MCM9: variants seen among roughly 807,000 people sequenced by gnomAD.
MCM9 encodes DNA helicase MCM9.
In MCM9, 55 loss-of-function variants were observed where a neutral mutation model predicts 72.8. The observed-to-expected ratio is 0.76, with a 90% confidence interval of 0.61 to 0.95. The LOEUF (loss-of-function observed/expected upper bound fraction) is 0.95, where lower values mean the gene tolerates loss of function less well. Among genes scored for constraint, MCM9 ranks in the 40% least tolerant of loss-of-function variants. The pLI, the probability that MCM9 is intolerant of heterozygous loss-of-function variation, is 0.00. For synonymous variants in MCM9, 480 were observed against 503.4 expected (o/e 0.95, Z 0.62); for missense variants, 1,279 against 1,377.0 (o/e 0.93, Z 1.13).
At chr6:118,929,843 T>A (rs190950428) in intron 3 of MCM9, among the ~76,000 whole-genome samples, 188 of 152,270 alleles carry the variant, frequency 1.2e-3, no homozygotes, top group Non-Finnish European at 2.0e-3. Flanking sequence ...GGACCCTTTT[T>A]CTTGATCCCA....
chr6:118,894,327 G>C, intron 8 of MCM9: 6 of 1,525,974 alleles, frequency 3.9e-6, no homozygotes, highest in Non-Finnish European at 5.3e-6. Flanking sequence ...CTGGAGCGGG[G>C]GTCTGCGCTC....
chr6:118,913,378 C>G lies in MCM9; in HGVS notation c.947G>C (p.Gly316Ala). The G allele has an allele frequency of 6.2e-7, 1 of 1,614,066 alleles. No individual in the cohort carries two copies. ...ILASLCPQVF[G>A]MYLVKLAVAM... ...CACAGCAAGCTTTACTAGATACATT[C>G]CAAACACTTGAGGGCACAAGCTAGC... is the stretch of plus-strand genomic sequence containing the variant. The change falls in exon 7 of 14, where the codon GGA becomes GCA. Residue 316 changes from glycine to alanine, a missense_variant. Physicochemically the swap from Gly to Ala is moderately conservative, Grantham distance 60 (BLOSUM62 0). Coordinates refer to ENST00000619706, the MANE Select transcript of MCM9 (RefSeq NM_017696.3).
intron 8 of MCM9, among the ~76,000 whole-genome samples, chr6:118,897,668 G>A (rs1465159827): frequency 2.0e-5 from 3 of 151,982 alleles, no homozygotes; most frequent in Non-Finnish European, 2.9e-5. Flanking sequence ...AATACTTTCA[G>A]GCTGGGTAAA....
chr6:118,879,214 T>C (rs1321053554), intron 8 of MCM9, among the ~76,000 whole-genome samples: 1 of 149,656 alleles, frequency 6.7e-6, no homozygotes, highest in African/African-American at 2.5e-5. Flanking sequence ...ATGAACTACT[T>C]CATGAAAAGG....
intron 2 of MCM9, among the ~76,000 whole-genome samples, 178 bp downstream of exon 2, chr6:118,932,429 A>C (rs1782516202): frequency 6.6e-6 from 1 of 152,246 alleles, no homozygotes; most frequent in Non-Finnish European, 1.5e-5. Flanking sequence ...ATTTGCTCTC[A>C]AGTATAAAAT....
At chr6:118,843,657 T>TATATATACAC (rs1378043575) in intron 9 of MCM9, among the ~76,000 whole-genome samples, 40 of 33,856 alleles carry the variant, frequency 1.2e-3, no homozygotes, top group Non-Finnish European at 1.4e-3. Context: ...TATATATATG[T>TATATATACAC]GTATATATAT....
intron 8 of MCM9, among the ~76,000 whole-genome samples, chr6:118,857,316 T>C (rs1286799349): frequency 1.3e-5 from 2 of 152,200 alleles, no homozygotes; most frequent in Non-Finnish European, 2.9e-5. Context: ...TCATATGTCT[T>C]GTTGATTTTT....
At chr6:118,915,362 A>G (rs1332771460) in intron 6 of MCM9, among the ~76,000 whole-genome samples, 1 of 152,174 alleles carries the variant, frequency 6.6e-6, no homozygotes. Flanking sequence ...CAGTTATCTC[A>G]ATGAAGAGAA....
chr6:118,915,845 A>C (rs1780899805), intron 6 of MCM9, among the ~76,000 whole-genome samples: 1 of 152,208 alleles, frequency 6.6e-6, no homozygotes, highest in Non-Finnish European at 1.5e-5. Context: ...TCTGCCTTTT[A>C]TCCAATAAAT....
chr6:118,836,893 T>C (rs1774998271), intron 9 of MCM9, among the ~76,000 whole-genome samples: 1 of 152,218 alleles, frequency 6.6e-6, no homozygotes, highest in African/African-American at 2.4e-5. Flanking sequence ...CTTTTGAATT[T>C]GTTTGCTCTT....
intron 8 of MCM9, among the ~76,000 whole-genome samples, chr6:118,891,253 ATGGCT>A (rs1262228158): frequency 4.6e-5 from 7 of 152,204 alleles, no homozygotes; most frequent in African/African-American, 1.4e-4. Context: ...CCTTACTGGC[ATGGCT>A]AAAGGACCAC....
intron 8 of MCM9, chr6:118,893,962 T>C: frequency 2.2e-6 from 2 of 903,486 alleles, no homozygotes; most frequent in Non-Finnish European, 2.6e-6. Flanking sequence ...CCACGCCCCC[T>C]CCGCCCCTCT....
intron 8 of MCM9, among the ~76,000 whole-genome samples, chr6:118,907,183 C>T (rs1048044766): frequency 3.3e-5 from 5 of 152,082 alleles, no homozygotes; most frequent in Admixed American, 6.6e-5. Flanking sequence ...TCAGATTCTC[C>T]GTATCTTGTT....
chr6:118,900,114 C>T (rs910382891), intron 8 of MCM9, among the ~76,000 whole-genome samples: 1 of 152,114 alleles, frequency 6.6e-6, no homozygotes, highest in African/African-American at 2.4e-5. Context: ...TATTGTATCA[C>T]GTGGTGTAAA....
chr6:118,868,028 C>T (rs963115517), intron 8 of MCM9, among the ~76,000 whole-genome samples: 3 of 151,830 alleles, frequency 2.0e-5, no homozygotes, highest in Non-Finnish European at 4.4e-5. Flanking sequence ...AGGCACGTGC[C>T]ACCACGTCTG....
chr6:118,918,302 A>G (rs1040203103), intron 5 of MCM9: 5 of 153,898 alleles, frequency 3.2e-5, no homozygotes, highest in African/African-American at 1.2e-4. Flanking sequence ...TTAGTGAACC[A>G]AAGAAACAAT....
chr6:118,843,900 G>C (rs1775683714), intron 9 of MCM9, among the ~76,000 whole-genome samples: 1 of 151,158 alleles, frequency 6.6e-6, no homozygotes, highest in Non-Finnish European at 1.5e-5. Flanking sequence ...AGCAAAAGCA[G>C]ACATATTCAA....
intron 8 of MCM9, among the ~76,000 whole-genome samples, chr6:118,895,038 G>A (rs1779278359): frequency 6.6e-6 from 1 of 152,198 alleles, no homozygotes; most frequent in African/African-American, 2.4e-5. Flanking sequence ...CCCGGCGAAA[G>A]GCAGGCAGGC....
At chr6:118,819,533 T>C (rs967125538) in intron 13 of MCM9, among the ~76,000 whole-genome samples, 23 of 152,232 alleles carry the variant, frequency 1.5e-4, no homozygotes, top group Non-Finnish European at 1.5e-4. Flanking sequence ...AGTATTTTAT[T>C]GAGGATTTTC....
Sources: gnomAD v4.1 joint callset for allele counts (sites outside exome capture counted in the v4.1 genomes callset) on GRCh38, gnomAD v4.1.1 for gene constraint, MANE v1.5 for transcripts, NCBI Gene and HGNC (gene_info 2026-07-23, HGNC 2026-07-21) for gene names.